MACROD2: variants seen among roughly 807,000 people sequenced by gnomAD.
MACROD2 encodes ADP-ribose glycohydrolase MACROD2.
MACROD2 carries 36 observed loss-of-function variants against 70.4 expected under a neutral mutation model. The observed-to-expected ratio is 0.51, with a 90% CI of 0.39 to 0.68. The LOEUF is 0.68. Ranked by LOEUF, MACROD2 falls within the 30% of genes least tolerant of loss-of-function variation. MACROD2 has a pLI of 0.00. For missense variants in MACROD2, 496 were observed against 538.4 expected (o/e 0.92, Z 0.78); for synonymous variants, 172 against 178.8 (o/e 0.96, Z 0.30).
At chr20:14,424,800 C>T (rs934136564) in intron 3 of MACROD2, among the ~76,000 whole-genome samples, 1 of 152,140 alleles carries the variant, frequency 6.6e-6, no homozygotes, top group African/African-American at 2.4e-5. Context: ...TTTAAATTAC[C>T]AGCTGTTATA....
chr20:14,164,533 G>A (rs951989882), intron 3 of MACROD2, among the ~76,000 whole-genome samples: 1 of 152,160 alleles, frequency 6.6e-6, no homozygotes, highest in African/African-American at 2.4e-5. Context: ...AGTATCAATG[G>A]TGGGACAATT....
intron 4 of MACROD2, among the ~76,000 whole-genome samples, chr20:14,527,006 GTTTTA>G (rs1568654813): frequency 6.6e-6 from 1 of 152,208 alleles, no homozygotes; most frequent in Non-Finnish European, 1.5e-5. Context: ...TGAGTGCAAG[GTTTTA>G]TTGAGTGGAA....
intron 4 of MACROD2, among the ~76,000 whole-genome samples, chr20:14,582,146 C>CACTA (rs1338821850): frequency 6.6e-6 from 1 of 151,890 alleles, no homozygotes; most frequent in East Asian, 1.9e-4. Context: ...TGCACAAGTC[C>CACTA]TCATCTCAAG....
At chr20:15,293,036 C>T (rs1194887749) in intron 6 of MACROD2, among the ~76,000 whole-genome samples, 2 of 152,192 alleles carry the variant, frequency 1.3e-5, no homozygotes, top group African/African-American at 4.8e-5. Context: ...AGAGAACTCA[C>T]TGCTTCTTGA....
At chr20:15,233,709 A>C (rs895568287) in intron 6 of MACROD2, among the ~76,000 whole-genome samples, 15 of 151,562 alleles carry the variant, frequency 9.9e-5, no homozygotes, top group Admixed American at 2.0e-4. Context: ...CAAATGGCTC[A>C]TTTTACGATG....
chr20:15,576,219 A>T (rs1169943889), intron 8 of MACROD2, among the ~76,000 whole-genome samples: 2 of 152,014 alleles, frequency 1.3e-5, no homozygotes, highest in East Asian at 3.9e-4. Context: ...CTTACAAGAG[A>T]TTCAGAACAA....
chr20:15,996,003 T>C (rs1227196644), intron 15 of MACROD2, among the ~76,000 whole-genome samples: 1 of 152,110 alleles, frequency 6.6e-6, no homozygotes, highest in East Asian at 1.9e-4. Flanking sequence ...CTGATTTCTC[T>C]TCCTTCAGAT....
At chr20:15,665,346 G>A (rs76515155) in intron 8 of MACROD2, among the ~76,000 whole-genome samples, 2,910 of 152,216 alleles carry the variant, frequency 0.019, 83 homozygotes, top group African/African-American at 0.063. Flanking sequence ...CTTGGTTGAC[G>A]TGCGTGGATT....
chr20:15,120,818 T>C (rs11699739), intron 5 of MACROD2, among the ~76,000 whole-genome samples: 33,117 of 152,168 alleles, frequency 0.22, 4,851 homozygotes, highest in Non-Finnish European at 0.32. Context: ...AAACACTTAA[T>C]AGCCTACTCT....
intron 5 of MACROD2, among the ~76,000 whole-genome samples, chr20:14,689,905 TGG>T (rs1388166320): frequency 6.6e-6 from 1 of 152,176 alleles, no homozygotes; most frequent in Non-Finnish European, 1.5e-5. Context: ...GTGTCAAACC[TGG>T]TTGATAATTG....
intron 7 of MACROD2, among the ~76,000 whole-genome samples, chr20:15,463,650 G>A (rs2146419469): frequency 6.6e-6 from 1 of 152,244 alleles, no homozygotes; most frequent in Non-Finnish European, 1.5e-5. Flanking sequence ...TTGAGAAGCT[G>A]AGGCAGGAGA....
chr20:14,705,335 T>A (rs1383933809), intron 5 of MACROD2, among the ~76,000 whole-genome samples: 1 of 152,178 alleles, frequency 6.6e-6, no homozygotes, highest in East Asian at 1.9e-4. Flanking sequence ...ACTCTTTTTT[T>A]AATTTCATTT....
intron 15 of MACROD2, among the ~76,000 whole-genome samples, chr20:15,996,118 T>C (rs1030355290): frequency 1.3e-5 from 2 of 152,196 alleles, no homozygotes; most frequent in African/African-American, 4.8e-5. Context: ...TACATTTCCA[T>C]TAACAGTGTA....
Position 16,051,612 on chromosome 20 carries a change from T to G in MACROD2, c.*1736T>G, listed in dbSNP as rs1410718343. The G allele has an allele frequency of 6.6e-6, 1 of 152,214 alleles. No individual in the cohort carries two copies. Among genetic ancestry groups the G allele is most frequent in the Non-Finnish European group, 1.5e-5 (1 of 68,040 alleles). 9.4% of individuals were successfully genotyped at this position (152,214 alleles called of 1,614,324 possible). A position where few individuals can be genotyped will look rare whatever the true frequency, so the allele number is the denominator to read the frequency against. ...GAAGCATCTATATCCTCTATTGCCG[T>G]TAGATGTTGTTGCTTTTCAGAAAAG... On this transcript the variant is annotated 3_prime_UTR_variant, in exon 18 of 18. Coordinates refer to ENST00000684519, the MANE Select transcript of MACROD2 (RefSeq NM_001351661.2).
At chr20:14,757,714 C>T in intron 5 of MACROD2, 1 of 1,510,296 alleles carries the variant, frequency 6.6e-7, no homozygotes, top group Non-Finnish European at 9.2e-7. Context: ...TGCAGTCTCT[C>T]AAGTCCCGAG....
intron 8 of MACROD2, among the ~76,000 whole-genome samples, chr20:15,734,438 C>T (rs1048463432): frequency 6.6e-6 from 1 of 152,150 alleles, no homozygotes; most frequent in African/African-American, 2.4e-5. Flanking sequence ...GACATTGGTA[C>T]AAGCCAGTCT....
intron 5 of MACROD2, among the ~76,000 whole-genome samples, chr20:14,977,466 C>A (rs1600899386): frequency 7.0e-6 from 1 of 142,112 alleles, no homozygotes; most frequent in South Asian, 2.3e-4. Context: ...AAAAGATACA[C>A]ACACACACAC....
intron 5 of MACROD2, among the ~76,000 whole-genome samples, chr20:15,070,706 G>T (rs1052742240): frequency 1.3e-5 from 2 of 152,090 alleles, no homozygotes; most frequent in African/African-American, 4.8e-5. Context: ...GCTTCCTGCA[G>T]CCTCACCAGA....
intron 5 of MACROD2, among the ~76,000 whole-genome samples, chr20:15,020,993 T>C (rs1160356886): frequency 5.4e-5 from 8 of 148,730 alleles, no homozygotes; most frequent in Non-Finnish European, 9.0e-5. Flanking sequence ...TGTGTGTATA[T>C]GTATATGCAT....
Sources: gnomAD v4.1 joint callset for allele counts (sites outside exome capture counted in the v4.1 genomes callset) on GRCh38, gnomAD v4.1.1 for gene constraint, MANE v1.5 for transcripts, NCBI Gene and HGNC (gene_info 2026-07-23, HGNC 2026-07-21) for gene names.